WDR49: variants seen among roughly 807,000 people sequenced by gnomAD.
The protein encoded by WDR49 is cilia- and flagella-associated protein 337.
Under a neutral mutation model 119.5 loss-of-function variants are expected in WDR49, and 107 were observed. The ratio of observed to expected loss-of-function variants is 0.90; its 90% CI spans 0.77 to 1.05. WDR49 has a LOEUF of 1.05. Among genes scored for constraint, WDR49 ranks in the 50% least tolerant of loss-of-function variants. The pLI is 0.00. For missense variants in WDR49, 1,240 were observed against 1,220.5 expected (o/e 1.02, Z -0.24); for synonymous variants, 425 against 418.8 (o/e 1.01, Z -0.18).
At chr3:167,585,575 A>G (rs771661722) in intron 7 of WDR49, among the ~76,000 whole-genome samples, 7 of 152,108 alleles carry the variant, frequency 4.6e-5, no homozygotes, top group Admixed American at 1.3e-4. Flanking sequence ...GTGTCTATCT[A>G]TAAAGATCTT....
At chr3:167,620,632 T>A in intron 4 of WDR49, 29 bp from the exon 5 acceptor site, 1 of 1,508,422 alleles carries the variant, frequency 6.6e-7, no homozygotes, top group Non-Finnish European at 8.8e-7. Context: ...AGAACAACAA[T>A]CGTGGACGGG....
Position 167,621,462 on chromosome 3 carries a change from C to G in WDR49, c.783+5G>C, listed in dbSNP as rs1577283243. ...AGTATTCAATCTTAATCTACCCTCACTTACCTTTCCAGTTATATCCCCAAA... is the reference window on the plus strand; with the variant it reads ...AGTATTCAATCTTAATCTACCCTCAGTTACCTTTCCAGTTATATCCCCAAA... On this transcript the variant is annotated splice_donor_5th_base_variant and intron_variant, in intron 4 of 18. Transcript: ENST00000682715. 18 of 1,525,120 alleles carry G rather than the reference C, an allele frequency of 1.2e-5. No individual in the cohort carries two copies. In the East Asian group the frequency reaches 4.2e-4, roughly 35 times the overall value. The allele number at this position is 1,525,120 out of a possible 1,614,324, so 94.5% of individuals were successfully genotyped here. A position where few individuals can be genotyped will look rare whatever the true frequency, so the allele number is the denominator to read the frequency against.
chr3:167,606,905 A>G (rs1004974658), intron 5 of WDR49, among the ~76,000 whole-genome samples: 1 of 152,240 alleles, frequency 6.6e-6, no homozygotes, highest in Non-Finnish European at 1.5e-5. Flanking sequence ...TACATGACAC[A>G]GGAACCTTCA....
At chr3:167,557,768 A>G (rs1713024754) in intron 9 of WDR49, among the ~76,000 whole-genome samples, 1 of 151,652 alleles carries the variant, frequency 6.6e-6, no homozygotes, top group East Asian at 1.9e-4. Context: ...AAAAAAAAAA[A>G]TCAGGATAAG....
intron 5 of WDR49, among the ~76,000 whole-genome samples, chr3:167,611,540 T>C (rs1383881501): frequency 6.6e-6 from 1 of 151,952 alleles, no homozygotes; most frequent in African/African-American, 2.4e-5. Flanking sequence ...ACTGGCTGAA[T>C]GGGCAAAAAA....
intron 18 of WDR49, among the ~76,000 whole-genome samples, chr3:167,495,883 GAAAAAAAAAAA>G: frequency 8.4e-5 from 6 of 71,226 alleles, no homozygotes; most frequent in African/African-American, 1.9e-4. Flanking sequence ...TTAAAAATTT[GAAAAAAAAAAA>G]AAAAAAAAAA....
At chr3:167,637,169 A>C (rs936600698) in intron 2 of WDR49, among the ~76,000 whole-genome samples, 1 of 151,862 alleles carries the variant, frequency 6.6e-6, no homozygotes, top group African/African-American at 2.4e-5. Context: ...TGATTTTTGT[A>C]TAAGGTGAGA....
intron 17 of WDR49, 92 bp from the exon 18 acceptor site, chr3:167,500,391 C>G: frequency 6.7e-7 from 1 of 1,482,638 alleles, no homozygotes; most frequent in Non-Finnish European, 9.1e-7. Context: ...TCCAAGTTAA[C>G]TTTTATAAAT....
intron 10 of WDR49, among the ~76,000 whole-genome samples, chr3:167,548,934 C>A (rs1262963318): frequency 1.3e-5 from 2 of 152,066 alleles, no homozygotes; most frequent in Non-Finnish European, 2.9e-5. Context: ...TGAGTGAGAA[C>A]ATGCAGTGTT....
intron 7 of WDR49, among the ~76,000 whole-genome samples, chr3:167,594,612 T>C (rs1420085985): frequency 6.6e-6 from 1 of 152,206 alleles, no homozygotes; most frequent in Non-Finnish European, 1.5e-5. Flanking sequence ...TTGGAAAATT[T>C]GCAACCTAAT....
chr3:167,583,383 G>T (rs1714650174), intron 7 of WDR49, among the ~76,000 whole-genome samples: 1 of 152,108 alleles, frequency 6.6e-6, no homozygotes, highest in East Asian at 1.9e-4. Flanking sequence ...CTGCTTCAAA[G>T]AAATACAGTT....
At chr3:167,506,498 C>T (rs1751773697) in intron 16 of WDR49, among the ~76,000 whole-genome samples, 1 of 152,126 alleles carries the variant, frequency 6.6e-6, no homozygotes, top group African/African-American at 2.4e-5. Context: ...CTCTCTTAAA[C>T]TTAATATCAA....
At chr3:167,603,826 A>G (rs1217352266) in intron 6 of WDR49, among the ~76,000 whole-genome samples, 1 of 152,208 alleles carries the variant, frequency 6.6e-6, no homozygotes, top group Non-Finnish European at 1.5e-5. Context: ...TTCAAAAATC[A>G]TTAGAGATTG....
At position 167,483,025 on chromosome 3, in the gene WDR49, G is replaced by C. The variant is rs76462909; in HGVS notation, c.3032-4029C>G. ...TGGAATAAAATTGTGTGGTAGAAGG[G>C]GGGTAGGAGAAGGAGAAAACAAGTT... On this transcript the variant is annotated intron_variant, in intron 18 of 18. Transcript: ENST00000682715. Among the ~76,000 whole-genome samples the C allele has an allele frequency of 4.9e-3, 744 of 152,224 alleles. 3 individuals are homozygous for C. The highest frequency in any genetic ancestry group is 0.017 in the African/African-American group (711 of 41,524).
intron 5 of WDR49, 59 bp downstream of exon 5, chr3:167,620,370 A>C: frequency 7.0e-7 from 1 of 1,427,274 alleles, no homozygotes; most frequent in Non-Finnish European, 9.2e-7. Flanking sequence ...TTCATCAAAG[A>C]ATATAAATGT....
intron 10 of WDR49, among the ~76,000 whole-genome samples, chr3:167,544,557 TA>T (rs1307922988): frequency 6.6e-6 from 1 of 152,024 alleles, no homozygotes; most frequent in African/African-American, 2.4e-5. Flanking sequence ...TAAAGCCAAC[TA>T]ATCTTTGACA....
chr3:167,601,435 A>C (rs2108305261), intron 7 of WDR49, among the ~76,000 whole-genome samples: 1 of 152,314 alleles, frequency 6.6e-6, no homozygotes, highest in African/African-American at 2.4e-5. Flanking sequence ...ATAACCAACT[A>C]TCTTGAAATC....
At chr3:167,550,291 G>T (rs1403940044) in intron 10 of WDR49, among the ~76,000 whole-genome samples, 1 of 152,102 alleles carries the variant, frequency 6.6e-6, no homozygotes, top group African/African-American at 2.4e-5. Flanking sequence ...GGGCAGTATG[G>T]CCATTTTCAC....
chr3:167,622,548 C>A (rs1716922852), intron 3 of WDR49, among the ~76,000 whole-genome samples: 1 of 151,976 alleles, frequency 6.6e-6, no homozygotes, highest in Non-Finnish European at 1.5e-5. Context: ...ATTTTTCTAA[C>A]AATACAGCCC....
Sources: allele counts gnomAD v4.1 joint callset (sites outside exome capture counted in the v4.1 genomes callset), GRCh38; gene constraint gnomAD v4.1.1; transcripts MANE v1.5; gene names NCBI Gene and HGNC (gene_info 2026-07-23, HGNC 2026-07-21).